PCCA: variants seen among roughly 807,000 people sequenced by gnomAD.
The protein encoded by PCCA is propionyl-CoA carboxylase alpha chain, mitochondrial.
PCCA carries 74 observed loss-of-function variants against 101.3 expected under a neutral mutation model. The observed-to-expected ratio is 0.73, with a 90% CI of 0.61 to 0.89. The LOEUF (loss-of-function observed/expected upper bound fraction) is 0.89, where lower values mean the gene tolerates loss of function less well. Ranked by LOEUF, PCCA falls within the 40% of genes least tolerant of loss-of-function variation. The pLI is 0.00. For synonymous variants in PCCA, 294 were observed against 313.6 expected, an observed-to-expected ratio of 0.94 and a Z score of 0.66; for missense variants, 891 against 907.0, an observed-to-expected ratio of 0.98 and a Z score of 0.23.
chr13:100,263,843 G>GTATATA lies in PCCA; in HGVS notation c.819+1020_819+1025dup, dbSNP rs71777843. 7.2e-4 allele frequency among the ~76,000 whole-genome samples: 104 copies of GTATATA among 144,792 alleles called. 1 individual carries two copies. The highest frequency in any genetic ancestry group is 2.4e-3 in the African/African-American group (97 of 39,876). 95.0% of individuals were successfully genotyped at this position (144,792 alleles called of 152,430 possible). On this transcript the variant is annotated intron_variant, in intron 10 of 23. Coordinates refer to ENST00000376285, the MANE Select transcript of PCCA (RefSeq NM_000282.4). ...ATCATATATATGGTATCTGTATATC[G>GTATATA]TATATATATATATGGTATCTGTATA...
intron 22 of PCCA, chr13:100,527,316 T>C (rs1312208741): frequency 8.4e-6 from 4 of 477,086 alleles, no homozygotes; most frequent in Middle Eastern, 3.2e-4. Flanking sequence ...AGTCTGTCTG[T>C]AGAGATCTGC....
At chr13:100,166,387 C>T (rs2055036244) in intron 6 of PCCA, among the ~76,000 whole-genome samples, 1 of 152,180 alleles carries the variant, frequency 6.6e-6, no homozygotes, top group African/African-American at 2.4e-5. Flanking sequence ...CAACTTCCGC[C>T]TCCTGGGCTC....
rs188234428 is a variant in PCCA at position 100,380,191 on chromosome 13, C to T, written c.1746+11617C>T. ...AGCCTGAGAAATATAGTGAGGCCCC[C>T]ATCTCTACAAAAAAGTTTTTTTTAG... On this transcript the variant is annotated intron_variant, in intron 19 of 23. Transcript: ENST00000376285. Among the ~76,000 whole-genome samples the T allele has an allele frequency of 8.0e-3, 1,215 of 152,190 alleles. 9 individuals carry two copies. The highest frequency in any genetic ancestry group is 0.015 in the Non-Finnish European group (988 of 68,010).
At position 100,530,205 on chromosome 13, in the gene PCCA, G is replaced by T. The variant is rs1330491041; in HGVS notation, c.*39G>T. The T allele has an allele frequency of 6.7e-7, 1 of 1,489,988 alleles. No individual in the cohort carries two copies. Among genetic ancestry groups the T allele is most frequent in the Non-Finnish European group, 9.4e-7 (1 of 1,067,130 alleles). The allele number at this position is 1,489,988 out of a possible 1,614,324, so 92.3% of individuals were successfully genotyped here. ...TTTCAGTCATCACCCAATTTAATTA[G>T]CCATTTGCATGATGCTTTCACACAC... On this transcript the variant is annotated 3_prime_UTR_variant, in exon 24 of 24. Coordinates refer to ENST00000376285, the MANE Select transcript of PCCA (RefSeq NM_000282.4).
At chr13:100,477,676 G>C (rs933366183) in intron 21 of PCCA, among the ~76,000 whole-genome samples, 1 of 152,150 alleles carries the variant, frequency 6.6e-6, no homozygotes, top group South Asian at 2.1e-4. Flanking sequence ...TGAATAGCAA[G>C]TTTGGACAGT....
intron 7 of PCCA, among the ~76,000 whole-genome samples, chr13:100,212,886 C>G (rs975133836): frequency 6.6e-6 from 1 of 151,926 alleles, no homozygotes; most frequent in Non-Finnish European, 1.5e-5. Context: ...CACTCCTCCC[C>G]ACTACCCTTC....
chr13:100,195,355 A>G (rs568918938), intron 6 of PCCA, among the ~76,000 whole-genome samples: 1 of 152,334 alleles, frequency 6.6e-6, no homozygotes, highest in African/African-American at 2.4e-5. Flanking sequence ...GTAAAGCAGA[A>G]AGAAACTTCT....
chr13:100,195,017 A>G (rs1271296795), intron 6 of PCCA, among the ~76,000 whole-genome samples: 1 of 152,238 alleles, frequency 6.6e-6, no homozygotes, highest in Non-Finnish European at 1.5e-5. Context: ...CCAAAAAGGT[A>G]CCAATTAATA....
intron 6 of PCCA, among the ~76,000 whole-genome samples, chr13:100,172,290 T>C (rs746481355): frequency 1.3e-5 from 2 of 152,188 alleles, no homozygotes; most frequent in African/African-American, 4.8e-5. Context: ...TTAATGTCTT[T>C]GGTATTCACA....
At chr13:100,182,207 C>T (rs764700648) in intron 6 of PCCA, among the ~76,000 whole-genome samples, 10 of 150,308 alleles carry the variant, frequency 6.7e-5, no homozygotes, top group Non-Finnish European at 8.9e-5. Context: ...AGCGATTCTC[C>T]TGCCTCAGCC....
At chr13:100,356,239 C>T (rs555922395) in intron 18 of PCCA, among the ~76,000 whole-genome samples, 11 of 152,074 alleles carry the variant, frequency 7.2e-5, no homozygotes, top group African/African-American at 1.9e-4. Flanking sequence ...CAAAAGTACA[C>T]GCAGCAAAAG....
At chr13:100,348,385 G>T (rs951706458) in intron 18 of PCCA, among the ~76,000 whole-genome samples, 1 of 152,086 alleles carries the variant, frequency 6.6e-6, no homozygotes, top group Admixed American at 6.5e-5. Context: ...GCCATTTTTT[G>T]GGGGATGACT....
At chr13:100,116,670 T>C (rs1333993482) in intron 4 of PCCA, among the ~76,000 whole-genome samples, 2 of 152,200 alleles carry the variant, frequency 1.3e-5, no homozygotes, top group East Asian at 3.8e-4. Flanking sequence ...CTTTTGCATG[T>C]CTTTTTGTGA....
Position 100,394,658 on chromosome 13 carries a change from G to C in PCCA, c.1746+26084G>C, listed in dbSNP as rs181903620. On this transcript the variant is annotated intron_variant, in intron 19 of 23. Transcript: ENST00000376285. The surrounding 1 kb of genome is among the most constrained non-coding windows in gnomAD (Gnocchi z 4.3). ...AACAAGGGTTACCATGACCCAAATA[G>C]TAATTGCATTTTGATTCACTTTGCC... 6.6e-6 allele frequency among the ~76,000 whole-genome samples: 1 copy of C among 152,112 alleles called. No homozygotes were observed. Among genetic ancestry groups the C allele is most frequent in the Non-Finnish European group, 1.5e-5 (1 of 68,036 alleles).
chr13:100,518,282 C>G (rs117985185), intron 22 of PCCA, among the ~76,000 whole-genome samples: 759 of 152,268 alleles, frequency 5.0e-3, no homozygotes, highest in Non-Finnish European at 8.6e-3. Context: ...AAAAAAGTGT[C>G]ACATAAATCG....
At chr13:100,223,286 C>G (rs956186270) in intron 7 of PCCA, among the ~76,000 whole-genome samples, 1 of 152,098 alleles carries the variant, frequency 6.6e-6, no homozygotes, top group Non-Finnish European at 1.5e-5. Context: ...CGCGGACCCT[C>G]GCGGTGAGTG....
At chr13:100,440,433 G>T (rs1472010267) in intron 20 of PCCA, among the ~76,000 whole-genome samples, 1 of 150,958 alleles carries the variant, frequency 6.6e-6, no homozygotes, top group Non-Finnish European at 1.5e-5. Context: ...CTACTTGAGA[G>T]GAAGTTAAAA....
chr13:100,136,183 G>GTTT (rs35796452), intron 4 of PCCA, among the ~76,000 whole-genome samples: 7 of 102,514 alleles, frequency 6.8e-5, no homozygotes, highest in Non-Finnish European at 9.3e-5. Flanking sequence ...GTATAAAATT[G>GTTT]TTTTTTTTTT....
At chr13:100,411,321 G>T (rs922891052) in intron 19 of PCCA, among the ~76,000 whole-genome samples, 4 of 151,574 alleles carry the variant, frequency 2.6e-5, no homozygotes, top group Admixed American at 1.3e-4. Context: ...TGCCTCCCAG[G>T]TTCAAGTGAT....
Sources: gnomAD v4.1 joint callset for allele counts (sites outside exome capture counted in the v4.1 genomes callset) on GRCh38, gnomAD v4.1.1 for gene constraint, Gnocchi (gnomAD v3.1) non-coding constraint, MANE v1.5 for transcripts, NCBI Gene and HGNC (gene_info 2026-07-23, HGNC 2026-07-21) for gene names.